The following CDC40 variants were observed in gnomAD, a reference collection of about 807,000 sequenced individuals.
The protein encoded by CDC40 is pre-mRNA-processing factor 17.
Under a neutral mutation model 80.6 loss-of-function variants are expected in CDC40, and 27 were observed. The observed-to-expected ratio is 0.33, with a 90% CI of 0.25 to 0.46. CDC40 has a LOEUF of 0.46. Among genes scored for constraint, CDC40 ranks in the 20% least tolerant of loss-of-function variants. The pLI, the probability that CDC40 is intolerant of heterozygous loss-of-function variation, is 1.00. For synonymous variants in CDC40, 221 were observed against 232.6 expected (o/e 0.95, Z 0.45); for missense variants, 486 against 694.1 (o/e 0.70, Z 3.37).
intron 11 of CDC40, 128 bp downstream of exon 11, chr6:110,219,607 T>C: frequency 1.6e-6 from 2 of 1,241,956 alleles, no homozygotes; most frequent in East Asian, 2.4e-5. Flanking sequence ...TGCACCATTC[T>C]TAGCAGAAAA....
intron 5 of CDC40, 86 bp from the exon 6 acceptor site, chr6:110,210,621 A>C (rs918926971): frequency 3.2e-5 from 17 of 533,808 alleles, no homozygotes; most frequent in Non-Finnish European, 5.0e-5. Flanking sequence ...GATATGTAGA[A>C]GTCATTATAA....
rs966370614 is a variant in CDC40 at position 110,200,455 on chromosome 6, G to A, written c.277-1103G>A. ...ACGGTGGGTCTTACAGAGTTCAGAT[G>A]AAAATATCCTATTATTTTCGCCCTT... On this transcript the variant is annotated intron_variant, in intron 2 of 14. Coordinates refer to ENST00000307731, the MANE Select transcript of CDC40 (RefSeq NM_015891.3). 3.3e-5 allele frequency among the ~76,000 whole-genome samples: 5 copies of A among 152,102 alleles called. No homozygotes were observed. The East Asian group carries it at 5.8e-4, about 18-fold the overall frequency.
intron 6 of CDC40, 86 bp from the exon 7 acceptor site, chr6:110,212,047 G>A (rs1777643605): frequency 2.6e-6 from 3 of 1,140,438 alleles, no homozygotes; most frequent in Admixed American, 1.8e-5. Context: ...TGATATACCT[G>A]TGAATAAAAT....
chr6:110,224,972 CTTTT>C (rs961049843), intron 12 of CDC40, among the ~76,000 whole-genome samples: 1 of 152,118 alleles, frequency 6.6e-6, no homozygotes, highest in African/African-American at 2.4e-5. Flanking sequence ...ATTTGCAGCT[CTTTT>C]TAATACTTTT....
intron 3 of CDC40, among the ~76,000 whole-genome samples, chr6:110,206,502 T>C (rs1777564745): frequency 6.6e-6 from 1 of 152,238 alleles, no homozygotes; most frequent in Non-Finnish European, 1.5e-5. Flanking sequence ...CTAACTTAGG[T>C]AGACTTTCTT....
intron 1 of CDC40, among the ~76,000 whole-genome samples, chr6:110,192,754 C>G (rs1777367913): frequency 6.6e-6 from 1 of 152,186 alleles, no homozygotes; most frequent in Non-Finnish European, 1.5e-5. Context: ...GATTCAGGCC[C>G]TGTCACTTCC....
intron 1 of CDC40, among the ~76,000 whole-genome samples, chr6:110,186,818 T>C (rs911103898): frequency 6.6e-6 from 1 of 152,202 alleles, no homozygotes; most frequent in African/African-American, 2.4e-5. Context: ...TTTCTTTAAT[T>C]GTGGATCAAT....
chr6:110,219,808 G>C lies in CDC40; in HGVS notation c.1279G>C (p.Val427Leu). The change falls in exon 12 of 15, where the codon GTG (valine) becomes CTG (leucine). Residue 427 changes from valine to leucine, a missense_variant. Physicochemically the swap from Val to Leu is conservative, Grantham distance 32. Coordinates refer to ENST00000307731, the MANE Select transcript of CDC40 (RefSeq NM_015891.3). ...HLGAVNTIVF[V>L]DENRRFVSTS... ...GGGAGCTGTCAACACCATTGTTTTT[G>C]TGGATGAGAATAGGAGATTTGTGAG... 6.2e-7 allele frequency: 1 copy of C among 1,614,066 alleles called. No individual in the cohort carries two copies. The highest frequency in any genetic ancestry group is 8.5e-7 in the Non-Finnish European group (1 of 1,179,964).
At chr6:110,211,130 T>C (rs1412875075) in intron 6 of CDC40, 1 of 154,922 alleles carries the variant, frequency 6.5e-6, no homozygotes, top group African/African-American at 2.4e-5. Flanking sequence ...GGTGTATTAA[T>C]AGTGCCCCAG....
At chr6:110,220,003 C>T in intron 12 of CDC40, 134 bp downstream of exon 12, 3 of 796,372 alleles carry the variant, frequency 3.8e-6, no homozygotes, top group South Asian at 2.0e-5. Flanking sequence ...GCCAATCAAA[C>T]TGTTTTAACT....
In CDC40 at chr6:110,219,389, C is replaced by T. The variant is rs529837127; in HGVS notation, c.1116C>T (p.Asn372=). The change falls in exon 11 of 15, where the codon AAC becomes AAT. Residue 372 remains asparagine (N), a synonymous_variant. Coordinates refer to ENST00000307731, the MANE Select transcript of CDC40 (RefSeq NM_015891.3). ...ETGQCISRFT[N]RKVPYCVKFN... The stretch of plus-strand genomic sequence containing the variant: ...GACAGTGTATATCAAGATTTACAAA[C>T]CGAAAAGTACCTTATTGTGTCAAAT... 1.3e-6 allele frequency: 2 copies of T among 1,592,966 alleles called. No individual in the cohort carries two copies. The highest frequency in any genetic ancestry group is 2.2e-5 in the South Asian group (2 of 90,270).
intron 1 of CDC40, among the ~76,000 whole-genome samples, chr6:110,190,710 C>T (rs575693711): frequency 9.2e-5 from 14 of 152,232 alleles, no homozygotes; most frequent in Non-Finnish European, 1.9e-4. Context: ...GGGTGGGAAG[C>T]CAAGCTCAGG....
At chr6:110,224,474 C>T (rs1777825790) in intron 12 of CDC40, 1 of 152,120 alleles carries the variant, frequency 6.6e-6, no homozygotes, top group Non-Finnish European at 1.5e-5. Context: ...TTGCAGCCTC[C>T]ACCTCCTGGC....
intron 1 of CDC40, among the ~76,000 whole-genome samples, chr6:110,190,404 A>G (rs538041058): frequency 2.2e-4 from 34 of 152,342 alleles, no homozygotes; most frequent in Non-Finnish European, 4.3e-4. Context: ...CAGGCAAGAT[A>G]TAATGAAGCC....
chr6:110,219,668 C>T, intron 11 of CDC40, 68 bp from the exon 12 acceptor site: 2 of 1,528,252 alleles, frequency 1.3e-6, no homozygotes, highest in East Asian at 2.3e-5. Flanking sequence ...TCTCCACTTT[C>T]CAGAATTATG....
Position 110,180,682 on chromosome 6 carries a change from C to T in CDC40, c.189+49C>T, listed in dbSNP as rs115330302. ...AGTGTGGGAATTGTTGGCTTCAGCT[C>T]CAGAACTGCCAGCCGCTTGTTAGGT... On this transcript the variant is annotated intron_variant, in intron 1 of 14. Coordinates refer to ENST00000307731, the MANE Select transcript of CDC40 (RefSeq NM_015891.3). 4.7e-4 allele frequency: 632 copies of T among 1,336,906 alleles called. 1 individual carries two copies. In the African/African-American group the frequency reaches 7.2e-3, roughly 15 times the overall value. 82.8% of individuals were successfully genotyped at this position (1,336,906 alleles called of 1,614,324 possible).
chr6:110,190,507 C>T (rs1391145642), intron 1 of CDC40, among the ~76,000 whole-genome samples: 2 of 152,072 alleles, frequency 1.3e-5, no homozygotes, highest in Non-Finnish European at 2.9e-5. Flanking sequence ...CAAGACTATG[C>T]CTGATTTATT....
At chr6:110,189,961 A>G (rs553716985) in intron 1 of CDC40, among the ~76,000 whole-genome samples, 1 of 152,308 alleles carries the variant, frequency 6.6e-6, no homozygotes, top group African/African-American at 2.4e-5. Context: ...GCCAAATCCA[A>G]TGATTGTTGG....
intron 3 of CDC40, among the ~76,000 whole-genome samples, chr6:110,201,936 C>G (rs756170378): frequency 1.3e-5 from 2 of 152,136 alleles, no homozygotes; most frequent in Non-Finnish European, 2.9e-5. Flanking sequence ...CCAGAATGCT[C>G]TTTGTTGTCG....
Sources: gnomAD v4.1 joint callset for allele counts (sites outside exome capture counted in the v4.1 genomes callset) on GRCh38, gnomAD v4.1.1 for gene constraint, MANE v1.5 for transcripts, NCBI Gene and HGNC (gene_info 2026-07-23, HGNC 2026-07-21) for gene names.